Variants in CTTNBP2 observed in about 807,000 individuals in gnomAD.
CTTNBP2 encodes cortactin binding protein 2.
In CTTNBP2, 108 loss-of-function variants were observed where a neutral mutation model predicts 156.9. That is an observed-to-expected ratio of 0.69 (90% CI 0.59 to 0.81). CTTNBP2 has a LOEUF of 0.81. Among genes scored for constraint, CTTNBP2 ranks in the 30% least tolerant of loss-of-function variants. The probability of loss-of-function intolerance (pLI) is 0.00; values close to 1 mark genes in which losing one functional copy is unlikely to be tolerated. For synonymous variants in CTTNBP2, 767 were observed against 751.8 expected (o/e 1.02, Z -0.33); for missense variants, 1,924 against 2,035.4 (o/e 0.95, Z 1.05).
Position 117,784,280 on chromosome 7 carries a change from A to G in CTTNBP2, c.2243T>C (p.Leu748Ser). ...NYSCEDGHSALYSAAKNGHTD... is the reference protein window; with the variant it reads ...NYSCEDGHSASYSAAKNGHTD... ...ATGTCCATTCTTAGCAGCAGAATAC[A>G]AGGCAGAATGGCCATCTTCACAGGA... The change falls in exon 5 of 23, where the codon TTG becomes TCG. Residue 748 changes from leucine to serine, a missense_variant. By Grantham distance (145) the Leu-to-Ser change is moderately radical (BLOSUM62 -2). Coordinates refer to ENST00000160373, the MANE Select transcript of CTTNBP2 (RefSeq NM_033427.3). 1 of 1,612,956 alleles carries G rather than the reference A, an allele frequency of 6.2e-7. No individual in the cohort carries two copies. The highest frequency in any genetic ancestry group is 8.5e-7 in the Non-Finnish European group (1 of 1,179,596).
intron 22 of CTTNBP2, among the ~76,000 whole-genome samples, chr7:117,714,438 G>A (rs1456676513): frequency 6.6e-6 from 1 of 152,128 alleles, no homozygotes; most frequent in East Asian, 1.9e-4. Flanking sequence ...ATTATAATAA[G>A]GATAACAGTT....
chr7:117,768,601 G>GAAAGAAAGAAAT (rs1455646725), intron 8 of CTTNBP2, among the ~76,000 whole-genome samples: 2 of 142,244 alleles, frequency 1.4e-5, no homozygotes, highest in Non-Finnish European at 3.1e-5. Flanking sequence ...AAGAAAGAAA[G>GAAAGAAAGAAAT]AAATATAATA....
At chr7:117,717,741 A>C (rs1309783651) in intron 22 of CTTNBP2, among the ~76,000 whole-genome samples, 1 of 147,172 alleles carries the variant, frequency 6.8e-6, no homozygotes, top group Non-Finnish European at 1.5e-5. Flanking sequence ...TGTCATATAA[A>C]ATGAAAAAAA....
intron 14 of CTTNBP2, among the ~76,000 whole-genome samples, chr7:117,738,457 C>T (rs1190394110): frequency 6.6e-6 from 1 of 152,146 alleles, no homozygotes; most frequent in African/African-American, 2.4e-5. Context: ...CTCCTAGACT[C>T]TTACTGCTAT....
intron 4 of CTTNBP2, among the ~76,000 whole-genome samples, chr7:117,786,797 A>G (rs1303321710): frequency 2.0e-5 from 3 of 152,176 alleles, no homozygotes; most frequent in Non-Finnish European, 4.4e-5. Flanking sequence ...CAACTGCCTT[A>G]TATGGAAATA....
chr7:117,805,565 C>A (rs1182992730), intron 3 of CTTNBP2, among the ~76,000 whole-genome samples: 1 of 152,194 alleles, frequency 6.6e-6, no homozygotes, highest in African/African-American at 2.4e-5. Context: ...TTTAATAGGA[C>A]ATGGCATACA....
In CTTNBP2 at chr7:117,778,230, C is replaced by T. The variant is rs1798210493; in HGVS notation, c.2524-465G>A. Among the ~76,000 whole-genome samples, 3 of 152,002 alleles carry T rather than the reference C, an allele frequency of 2.0e-5. No individual in the cohort carries two copies. The South Asian group carries it at 6.2e-4, about 32-fold the overall frequency. ...AACTCTGTGATCTTAAAATTTTATG[C>T]CAACCACCCCAGAAGCAAAGATCCT... On this transcript the variant is annotated intron_variant, in intron 7 of 22. Transcript: ENST00000160373.
rs1184387718 is a variant in CTTNBP2, at chr7:117,791,420, T to C, written c.1776A>G (p.Pro592=). ...CCTCATTGATCACCCTGTTCCCTTG[T>C]GGCAAACTGGAAGGAGTCGAAGCCA... is the stretch of plus-strand genomic sequence containing the variant. The part of the protein sequence containing the change: ...KTVASTPSSL[P]QGNRVINEEN... Residue 592 remains proline (P), a synonymous_variant, in exon 4 of 23, where the codon CCA becomes CCG. Coordinates refer to ENST00000160373, the MANE Select transcript of CTTNBP2 (RefSeq NM_033427.3). 6.2e-7 allele frequency: 1 copy of C among 1,614,184 alleles called. No individual in the cohort carries two copies. The highest frequency in any genetic ancestry group is 1.1e-5 in the South Asian group (1 of 91,088).
chr7:117,820,525 T>C (rs1800895133), intron 2 of CTTNBP2, among the ~76,000 whole-genome samples: 1 of 152,256 alleles, frequency 6.6e-6, no homozygotes, highest in Non-Finnish European at 1.5e-5. Flanking sequence ...TTTAAGTTCA[T>C]GATCCACTTT....
chr7:117,817,259 G>A (rs1332220780), intron 2 of CTTNBP2, among the ~76,000 whole-genome samples: 6 of 147,218 alleles, frequency 4.1e-5, no homozygotes, highest in African/African-American at 7.5e-5. Context: ...GCGTAAACCC[G>A]GAAGGCGGAG....
intron 2 of CTTNBP2, among the ~76,000 whole-genome samples, chr7:117,836,124 A>G (rs1377204835): frequency 6.6e-6 from 1 of 152,158 alleles, no homozygotes; most frequent in Non-Finnish European, 1.5e-5. Context: ...TGGACAGGGG[A>G]GGCTTCATTA....
At chr7:117,842,932 GA>G (rs1802362420) in intron 2 of CTTNBP2, among the ~76,000 whole-genome samples, 1 of 152,112 alleles carries the variant, frequency 6.6e-6, no homozygotes, top group Admixed American at 6.5e-5. Context: ...ATTCTAGTAG[GA>G]AAAGTAAAAC....
At chr7:117,739,847 A>C (rs1471230777) in intron 14 of CTTNBP2, among the ~76,000 whole-genome samples, 1 of 152,072 alleles carries the variant, frequency 6.6e-6, no homozygotes, top group Non-Finnish European at 1.5e-5. Context: ...ATTTCTGGAG[A>C]CTCCAATTGT....
chr7:117,864,446 T>C (rs1321149136), intron 1 of CTTNBP2, among the ~76,000 whole-genome samples: 1 of 151,866 alleles, frequency 6.6e-6, no homozygotes, highest in Non-Finnish European at 1.5e-5. Context: ...AATAATATTT[T>C]CAAATTGTCA....
At position 117,792,094 on chromosome 7, in the gene CTTNBP2, C is replaced by T. The variant is rs745621558; in HGVS notation, c.1102G>A (p.Ala368Thr). 2.4e-5 allele frequency: 38 copies of T among 1,613,950 alleles called. No individual in the cohort carries two copies. The highest frequency in any genetic ancestry group is 1.2e-4 in the South Asian group (11 of 91,076). ...GGAGGTGGGAAAGCGGGTACAGAAGCGCCAATCAAGTCACCATAGGAAGCC... is the reference window on the plus strand; with the variant it reads ...GGAGGTGGGAAAGCGGGTACAGAAGTGCCAATCAAGTCACCATAGGAAGCC... ...RQASYGDLIGASVPAFPPPSA... is the reference protein window; with the variant it reads ...RQASYGDLIGTSVPAFPPPSA... Residue 368 changes from alanine to threonine, a missense_variant, in exon 4 of 23, where the codon GCT (alanine) becomes ACT (threonine). Physicochemically the swap from Ala to Thr is moderately conservative, Grantham distance 58 (BLOSUM62 0). Transcript: ENST00000160373. This position sits in a 1 kb window ranked among gnomAD's most constrained non-coding sequence, Gnocchi z 4.2.
At chr7:117,790,371 T>A (rs935016841) in intron 4 of CTTNBP2, among the ~76,000 whole-genome samples, 2 of 152,222 alleles carry the variant, frequency 1.3e-5, no homozygotes. Flanking sequence ...TCTCTAGCAC[T>A]GTATAACAAA....
intron 2 of CTTNBP2, among the ~76,000 whole-genome samples, chr7:117,817,161 C>A (rs573817880): frequency 0.012 from 1,818 of 150,074 alleles, 28 homozygotes; most frequent in Non-Finnish European, 0.02. Context: ...CATGGTGAAA[C>A]CCCTCTACTA....
intron 11 of CTTNBP2, among the ~76,000 whole-genome samples, chr7:117,757,010 T>C (rs569007724): frequency 9.8e-5 from 15 of 152,298 alleles, no homozygotes; most frequent in Non-Finnish European, 1.9e-4. Context: ...TCATAGATCA[T>C]TGCAATCCTC....
chr7:117,731,746 C>T (rs903890652), intron 16 of CTTNBP2, among the ~76,000 whole-genome samples: 1 of 152,134 alleles, frequency 6.6e-6, no homozygotes, highest in African/African-American at 2.4e-5. Flanking sequence ...AAAAGGAAGT[C>T]GGCGGGGGAA....
Sources: gnomAD v4.1 joint callset for allele counts (sites outside exome capture counted in the v4.1 genomes callset) on GRCh38, gnomAD v4.1.1 for gene constraint, Gnocchi (gnomAD v3.1) non-coding constraint, MANE v1.5 for transcripts, NCBI Gene and HGNC (gene_info 2026-07-23, HGNC 2026-07-21) for gene names.